Variants in EPHA2 observed in about 807,000 individuals in gnomAD.
The protein encoded by EPHA2 is ephrin type-A receptor 2.
In EPHA2, 54 loss-of-function variants were observed where a neutral mutation model predicts 104.9. The ratio of observed to expected loss-of-function variants is 0.51; its 90% CI spans 0.41 to 0.65. EPHA2 has a LOEUF of 0.65. EPHA2 is among the 30% of genes least tolerant of loss of function. The probability of loss-of-function intolerance (pLI) is 0.00; values close to 1 mark genes in which losing one functional copy is unlikely to be tolerated. For synonymous variants in EPHA2, 560 were observed against 559.1 expected (o/e 1.00, Z -0.02); for missense variants, 1,117 against 1,369.5 (o/e 0.82, Z 2.91).
In EPHA2 at chr1:16,138,358, G is replaced by A. The variant is rs2124229243; in HGVS notation, c.896C>T (p.Pro299Leu). The change falls in exon 4 of 17, where the codon CCA becomes CTA. Residue 299 changes from proline to leucine, a missense_variant. Coordinates refer to ENST00000358432, the MANE Select transcript of EPHA2 (RefSeq NM_004431.5). ...GCAGGAGGTGGCACCCTCAGGGGATGGCAGCGTGTGCTCAGGGCACTCCAA... is the reference window on the plus strand; with the variant it reads ...GCAGGAGGTGGCACCCTCAGGGGATAGCAGCGTGTGCTCAGGGCACTCCAA... ...PCLECPEHTL[P>L]SPEGATSCEC... is the part of the protein sequence containing the mutation. 2 of 1,613,932 alleles carry A rather than the reference G, an allele frequency of 1.2e-6. No individual in the cohort carries two copies. The highest frequency in any genetic ancestry group is 1.7e-6 in the Non-Finnish European group (2 of 1,180,010).
At position 16,135,074 on chromosome 1, in the gene EPHA2, T is replaced by C; in HGVS notation, c.1544A>G (p.Gln515Arg). 2 of 1,613,654 alleles carry C rather than the reference T, an allele frequency of 1.2e-6. No individual in the cohort carries two copies. The highest frequency in any genetic ancestry group is 1.7e-6 in the Non-Finnish European group (2 of 1,180,022). ...TTCGTGCACCTTGCTGCCGGCCCCCTGGCCCTCCTGCGTCAGTGCCTGCAC... is the reference window on the plus strand; with the variant it reads ...TTCGTGCACCTTGCTGCCGGCCCCCCGGCCCTCCTGCGTCAGTGCCTGCAC... Reference protein sequence around the residue: ...VQVQALTQEGQGAGSKVHEFQ... With the variant: ...VQVQALTQEGRGAGSKVHEFQ... Residue 515 changes from glutamine (Q) to arginine (R), a missense_variant, in exon 7 of 17, where the codon CAG becomes CGG. Transcript: ENST00000358432. The surrounding 1 kb of genome is among the most constrained non-coding windows in gnomAD (Gnocchi z 4.3).
At chr1:16,154,522 G>C (rs2025111042) in intron 1 of EPHA2, among the ~76,000 whole-genome samples, 1 of 151,946 alleles carries the variant, frequency 6.6e-6, no homozygotes, top group Non-Finnish European at 1.5e-5. Flanking sequence ...GGGAGGCCGC[G>C]GCGGGTGGAT....
At chr1:16,152,684 C>T (rs1281548338) in intron 1 of EPHA2, among the ~76,000 whole-genome samples, 4 of 152,178 alleles carry the variant, frequency 2.6e-5, no homozygotes, top group Non-Finnish European at 4.4e-5. Context: ...GCAGCCCCCC[C>T]TTAGATTGAC....
At position 16,135,323 on chromosome 1, in the gene EPHA2, G is replaced by T; in HGVS notation, c.1429-134C>A. 1 of 1,153,836 alleles carries T rather than the reference G, an allele frequency of 8.7e-7. No homozygotes were observed. The highest frequency in any genetic ancestry group is 1.5e-5 in the African/African-American group (1 of 65,998). 71.5% of individuals were successfully genotyped at this position (1,153,836 alleles called of 1,614,324 possible). ...CAAACTTGAGGCTCTTCTTACAGAG[G>T]AGGAAACTGAGGCTCGGAATTAAGT... On this transcript the variant is annotated intron_variant, in intron 6 of 16. Coordinates refer to ENST00000358432, the MANE Select transcript of EPHA2 (RefSeq NM_004431.5). The surrounding 1 kb of genome is among the most constrained non-coding windows in gnomAD (Gnocchi z 4.3).
intron 16 of EPHA2, among the ~76,000 whole-genome samples, chr1:16,127,743 C>A (rs931541475): frequency 6.6e-6 from 1 of 152,086 alleles, no homozygotes; most frequent in Non-Finnish European, 1.5e-5. Flanking sequence ...GTGGGAGGAG[C>A]GGGTGGTGGG....
intron 3 of EPHA2, among the ~76,000 whole-genome samples, chr1:16,142,406 G>A (rs772450966): frequency 2.0e-5 from 3 of 152,244 alleles, no homozygotes; most frequent in Admixed American, 6.5e-5. Flanking sequence ...AGCAGCTCCT[G>A]AGGAGCAGGA....
At chr1:16,140,896 C>T (rs12084478) in intron 3 of EPHA2, among the ~76,000 whole-genome samples, 97,171 of 151,744 alleles carry the variant, frequency 0.64, 31,462 homozygotes, top group East Asian at 0.84. Context: ...CCACCGCGTC[C>T]GGCCTATTTT....
Position 16,132,407 on chromosome 1 carries a change from C to G in EPHA2, c.2086G>C (p.Glu696Gln). The G allele has an allele frequency of 1.2e-6, 2 of 1,614,118 alleles. No individual in the cohort carries two copies. The highest frequency in any genetic ancestry group is 1.7e-6 in the Non-Finnish European group (2 of 1,180,018). ...AGGAACTTGTCCAGGGCCCCATTCT[C>G]CATGTACTCAGTGATGATCATCATG... is the stretch of plus-strand genomic sequence containing the variant. ...KPMMIITEYM[E>Q]NGALDKFLRE... is the part of the protein sequence containing the mutation. The change falls in exon 12 of 17, where the codon GAG (glutamate) becomes CAG (glutamine). Residue 696 changes from glutamate (E) to glutamine (Q), a missense_variant. By Grantham distance (29) the Glu-to-Gln change is conservative. Transcript: ENST00000358432.
chr1:16,155,857 C>T lies in EPHA2; in HGVS notation c.76G>A (p.Gly26Ser). ...CALAAAAAAQGKEVVLLDFAA... is the reference protein window; with the variant it reads ...CALAAAAAAQSKEVVLLDFAA... ...CGCCGCGCGCACTCACCTTCCTTGCCCTGCGCCGCCGCGGCCGCGGCCAGC... is the reference window on the plus strand; with the variant it reads ...CGCCGCGCGCACTCACCTTCCTTGCTCTGCGCCGCCGCGGCCGCGGCCAGC... Residue 26 changes from glycine to serine, a missense_variant, in exon 1 of 17, where the codon GGC becomes AGC. By Grantham distance (56) the Gly-to-Ser change is moderately conservative (BLOSUM62 0). This residue lies in a region of EPHA2 where 664 missense variants were observed against 784.8 expected (regional missense o/e 0.85). Transcript: ENST00000358432. 1 of 1,455,320 alleles carries T rather than the reference C, an allele frequency of 6.9e-7. No homozygotes were observed. The highest frequency in any genetic ancestry group is 9.0e-7 in the Non-Finnish European group (1 of 1,109,820). 90.2% of individuals were successfully genotyped at this position (1,455,320 alleles called of 1,614,324 possible).
At position 16,148,957 on chromosome 1, in the gene EPHA2, G is replaced by A. The variant is rs190330372; in HGVS notation, c.244C>T (p.Arg82Cys). 6.8e-6 allele frequency: 11 copies of A among 1,614,018 alleles called. No homozygotes were observed. Among genetic ancestry groups the A allele is most frequent in the African/African-American group, 4.0e-5 (3 of 74,936 alleles). ...TCTCCTCGGTACACCCAGTTGGTGC[G>A]GAGCCAGTTGTCCTGGTCGCCAGAC... ...VMSGDQDNWL[R>C]TNWVYRGEAE... is the part of the protein sequence containing the mutation. Residue 82 changes from arginine (R) to cysteine (C), a missense_variant, in exon 3 of 17, where the codon CGC (arginine) becomes TGC (cysteine). By Grantham distance (180) the Arg-to-Cys change is radical. Coordinates refer to ENST00000358432, the MANE Select transcript of EPHA2 (RefSeq NM_004431.5). This position sits in a 1 kb window ranked among gnomAD's most constrained non-coding sequence, Gnocchi z 4.9.
At position 16,137,944 on chromosome 1, in the gene EPHA2, G is replaced by A. The variant is rs1241087312; in HGVS notation, c.1221C>T (p.Asn407=). The A allele has an allele frequency of 2.5e-6, 4 of 1,614,178 alleles. No homozygotes were observed. The highest frequency in any genetic ancestry group is 3.3e-5 in the Admixed American group (2 of 60,030). ...TGCGGGCCTCCACGGTGAAGGTGTA[G>A]TTCATGTGGGGCTCCAGGTCGCTCA... ...VTVSDLEPHM[N]YTFTVEARNG... is the part of the protein sequence containing the mutation. Residue 407 remains asparagine (N), a synonymous_variant, in exon 5 of 17, where the codon AAC becomes AAT. Transcript: ENST00000358432.
In EPHA2 at chr1:16,125,044, A is replaced by C; in HGVS notation, c.*171T>G. The C allele has an allele frequency of 3.0e-6, 2 of 667,016 alleles. No individual in the cohort carries two copies. Among genetic ancestry groups the C allele is most frequent in the Admixed American group, 2.2e-5 (1 of 44,746 alleles). The allele number at this position is 667,016 out of a possible 1,614,324, so 41.3% of individuals were successfully genotyped here. The stretch of plus-strand genomic sequence containing the variant: ...AGGGCCCAGCCCAGCATCCCTGGTC[A>C]TCTCCTCAGTTCAGGCCAGGGTGTC... On this transcript the variant is annotated 3_prime_UTR_variant, in exon 17 of 17. Transcript: ENST00000358432. The surrounding 1 kb of genome is among the most constrained non-coding windows in gnomAD (Gnocchi z 4.9).
intron 3 of EPHA2, among the ~76,000 whole-genome samples, chr1:16,144,938 G>A (rs186832625): frequency 3.3e-5 from 5 of 152,344 alleles, no homozygotes; most frequent in African/African-American, 1.2e-4. Context: ...GTCCAGCATG[G>A]TGCCTGGAAT....
At chr1:16,147,408 G>A (rs1338048672) in intron 3 of EPHA2, among the ~76,000 whole-genome samples, 1 of 152,082 alleles carries the variant, frequency 6.6e-6, no homozygotes, top group African/African-American at 2.4e-5. Flanking sequence ...TATGCAGCCA[G>A]GGGATGTGCA....
In EPHA2 at chr1:16,135,532, A is replaced by G. The variant is rs1383551153; in HGVS notation, c.1428+123T>C. 1.5e-5 allele frequency: 14 copies of G among 953,214 alleles called. No individual in the cohort carries two copies. In the South Asian group the frequency reaches 1.6e-4, roughly 11 times the overall value. 59.0% of individuals were successfully genotyped at this position (953,214 alleles called of 1,614,324 possible). ...AACCCCCTGGCAGACCCCAGGCCTC[A>G]GTTTCCCCATCTGCAGAAGGGTGCT... On this transcript the variant is annotated intron_variant, in intron 6 of 16. Transcript: ENST00000358432. This position sits in a 1 kb window ranked among gnomAD's most constrained non-coding sequence, Gnocchi z 4.3.
chr1:16,127,851 C>G (rs1028905733), intron 16 of EPHA2, among the ~76,000 whole-genome samples: 1 of 152,224 alleles, frequency 6.6e-6, no homozygotes, highest in South Asian at 2.1e-4. Flanking sequence ...CCATCCAAGA[C>G]TGCCCCGTCC....
intron 5 of EPHA2, among the ~76,000 whole-genome samples, chr1:16,136,713 A>AAAGAAGAAG (rs202150956): frequency 0.1 from 10,680 of 102,578 alleles, 806 homozygotes; most frequent in East Asian, 0.14. Context: ...AAGAAGAAGA[A>AAAGAAGAAG]AAGAAGAAGA....
At chr1:16,153,446 T>C in intron 1 of EPHA2, 2 of 428,214 alleles carry the variant, frequency 4.7e-6, no homozygotes, top group Non-Finnish European at 6.2e-6. Flanking sequence ...TTCCTGGCAC[T>C]CTCCAGCCCT....
At position 16,133,964 on chromosome 1, in the gene EPHA2, G is replaced by T. The variant is rs755235872; in HGVS notation, c.1683-49C>A. ...AAATGCAGGGAGGTCAGTGAGGTCTGCTCCGGCCAGGGAAGCCTCCTGGCC... is the reference window on the plus strand; with the variant it reads ...AAATGCAGGGAGGTCAGTGAGGTCTTCTCCGGCCAGGGAAGCCTCCTGGCC... On this transcript the variant is annotated intron_variant, in intron 8 of 16. Transcript: ENST00000358432. 1.3e-5 allele frequency: 20 copies of T among 1,540,638 alleles called. No individual in the cohort carries two copies. In the South Asian group the frequency reaches 1.7e-4, roughly 13 times the overall value.
Sources: allele counts gnomAD v4.1 joint callset (sites outside exome capture counted in the v4.1 genomes callset), GRCh38; gene constraint gnomAD v4.1.1; regional missense constraint gnomAD v4.1.1; non-coding constraint Gnocchi (gnomAD v3.1); transcripts MANE v1.5; gene names NCBI Gene and HGNC (gene_info 2026-07-23, HGNC 2026-07-21).